Variants in MMP15 observed in about 807,000 individuals in gnomAD.
The protein encoded by MMP15 is matrix metalloproteinase-15.
MMP15 carries 36 observed loss-of-function variants against 65.0 expected under a neutral mutation model. That is an observed-to-expected ratio of 0.55 (90% CI 0.42 to 0.73). The LOEUF is 0.73. MMP15 is among the 30% of genes least tolerant of loss of function. The pLI is 0.00. For synonymous variants in MMP15, 428 were observed against 410.2 expected, an observed-to-expected ratio of 1.04 and a Z score of -0.52; for missense variants, 870 against 987.8, an observed-to-expected ratio of 0.88 and a Z score of 1.60.
At chr16:58,039,781 T>C in intron 3 of MMP15, 94 bp from the exon 4 acceptor site, 1 of 1,280,860 alleles carries the variant, frequency 7.8e-7, no homozygotes, top group Non-Finnish European at 1.1e-6. Context: ...GACGGGCTTG[T>C]TGGTGACCTT....
rs1286023406 is a variant in MMP15 at position 58,046,744 on chromosome 16, G to A, written c.*1298G>A. 1.3e-5 allele frequency: 2 copies of A among 152,700 alleles called. No individual in the cohort carries two copies. The highest frequency in any genetic ancestry group is 2.9e-5 in the Non-Finnish European group (2 of 68,086). 9.5% of individuals were successfully genotyped at this position (152,700 alleles called of 1,614,324 possible). ...AGGATTCTGCTGGCCTCTGCGAGTGGTTTCTTGTGCACTGGCACCAAGTGC... is the reference window on the plus strand; with the variant it reads ...AGGATTCTGCTGGCCTCTGCGAGTGATTTCTTGTGCACTGGCACCAAGTGC... On this transcript the variant is annotated 3_prime_UTR_variant, in exon 10 of 10. Transcript: ENST00000219271.
rs534997955 is a variant in MMP15 at position 58,035,481 on chromosome 16, A to G, written c.163-1991A>G. ...GGCTGCCTGCCCCAGGGACAACCAC[A>G]CAGGCCTCTGGTCTCTGTCATTTGC... is the stretch of plus-strand genomic sequence containing the variant. On this transcript the variant is annotated intron_variant, in intron 1 of 9. Coordinates refer to ENST00000219271, the MANE Select transcript of MMP15 (RefSeq NM_002428.4). 1.4e-4 allele frequency among the ~76,000 whole-genome samples: 22 copies of G among 152,332 alleles called. No homozygotes were observed. In the South Asian group the frequency reaches 4.6e-3, roughly 32 times the overall value.
At chr16:58,039,479 A>G (rs989059852) in intron 3 of MMP15, among the ~76,000 whole-genome samples, 2 of 152,204 alleles carry the variant, frequency 1.3e-5, no homozygotes, top group African/African-American at 4.8e-5. Context: ...CACTTACCCA[A>G]GGTCACACAG....
intron 3 of MMP15, 56 bp downstream of exon 3, chr16:58,038,450 A>C: frequency 6.2e-7 from 1 of 1,604,830 alleles, no homozygotes; most frequent in Non-Finnish European, 8.5e-7. Context: ...CGAGCCTCAG[A>C]CCTCCTTTCC....
Position 58,040,609 on chromosome 16 carries a change from A to T in MMP15, c.821A>T (p.Asn274Ile), listed in dbSNP as rs147717123. Reference protein sequence around the residue: ...ALGLEHSSNPNAIMAPFYQWK... With the variant: ...ALGLEHSSNPIAIMAPFYQWK... ...GGGCTGGAGCACTCCAGCAACCCCA[A>T]TGCCATCATGGCGCCGTTCTACCAG... Residue 274 changes from asparagine (N) to isoleucine (I), a missense_variant, in exon 5 of 10, where the codon AAT becomes ATT. Coordinates refer to ENST00000219271, the MANE Select transcript of MMP15 (RefSeq NM_002428.4). The T allele has an allele frequency of 4.3e-6, 7 of 1,614,198 alleles. No homozygotes were observed. The highest frequency in any genetic ancestry group is 5.9e-6 in the Non-Finnish European group (7 of 1,180,044).
chr16:58,043,364 A>G lies in MMP15; in HGVS notation c.1454+4A>G, dbSNP rs1959491933. ...CCTTCTTCTTCCAAGAGGACAGGTG[A>G]GCAGTGCGTCCCTCCCCTAAGGGGA... On this transcript the variant is annotated splice_donor_region_variant and intron_variant, in intron 8 of 9. Transcript: ENST00000219271. 6.2e-7 allele frequency: 1 copy of G among 1,604,068 alleles called. No homozygotes were observed. The highest frequency in any genetic ancestry group is 8.5e-7 in the Non-Finnish European group (1 of 1,174,930).
chr16:58,044,152 T>G (rs1189862570), intron 9 of MMP15, among the ~76,000 whole-genome samples: 2 of 152,104 alleles, frequency 1.3e-5, no homozygotes, highest in African/African-American at 4.8e-5. Flanking sequence ...TCTAGTGCAT[T>G]TAAGAAAAAC....
At position 58,045,456 on chromosome 16, in the gene MMP15, G is replaced by A. The variant is rs376623496; in HGVS notation, c.*10G>A. On this transcript the variant is annotated 3_prime_UTR_variant, in exon 10 of 10. Transcript: ENST00000219271. ...GCAGGAGTGGGTCTGACCACCCAGC[G>A]CTCCTGCTAACGGTGCTCAGGGGGC... The A allele has an allele frequency of 3.2e-4, 486 of 1,506,498 alleles. No homozygotes were observed. Among genetic ancestry groups the A allele is most frequent in the Non-Finnish European group, 4.0e-4 (450 of 1,126,488 alleles). The allele number at this position is 1,506,498 out of a possible 1,614,324, so 93.3% of individuals were successfully genotyped here.
chr16:58,030,028 G>C (rs955247777), intron 1 of MMP15, among the ~76,000 whole-genome samples: 3 of 151,976 alleles, frequency 2.0e-5, no homozygotes, highest in Non-Finnish European at 2.9e-5. Context: ...GGCTAGCTGT[G>C]GTGGTCACTA....
chr16:58,039,742 T>C, intron 3 of MMP15, 133 bp from the exon 4 acceptor site: 2 of 818,962 alleles, frequency 2.4e-6, no homozygotes, highest in East Asian at 5.4e-5. Context: ...AATTATGATT[T>C]ACATCAAAGC....
intron 1 of MMP15, among the ~76,000 whole-genome samples, chr16:58,035,236 G>A (rs368041374): frequency 1.3e-5 from 2 of 152,224 alleles, no homozygotes; most frequent in African/African-American, 4.8e-5. Flanking sequence ...GAGGTTTCCC[G>A]TGCTTGGGAA....
intron 1 of MMP15, among the ~76,000 whole-genome samples, chr16:58,027,045 G>A (rs987743845): frequency 3.9e-5 from 6 of 152,258 alleles, no homozygotes; most frequent in African/African-American, 1.4e-4. Context: ...TGGAGGCGGG[G>A]GGATGGGTGC....
In MMP15 at chr16:58,042,177, C is replaced by T. The variant is rs1233862349; in HGVS notation, c.1165-54C>T. The T allele has an allele frequency of 5.1e-6, 8 of 1,574,978 alleles. No individual in the cohort carries two copies. The East Asian group carries it at 6.8e-5, about 13-fold the overall frequency. ...AAGGGGTGGTTTGAGGATGGCACCT[C>T]TCCCGGCCAAGGCAGCTTGCCTGCG... On this transcript the variant is annotated intron_variant, in intron 6 of 9. Coordinates refer to ENST00000219271, the MANE Select transcript of MMP15 (RefSeq NM_002428.4).
Position 58,045,740 on chromosome 16 carries a change from G to A in MMP15, c.*294G>A. 1 of 407,496 alleles carries A rather than the reference G, an allele frequency of 2.5e-6. No homozygotes were observed. Among genetic ancestry groups the A allele is most frequent in the Non-Finnish European group, 4.4e-6 (1 of 228,896 alleles). The allele number at this position is 407,496 out of a possible 1,614,324, so 25.2% of individuals were successfully genotyped here. On this transcript the variant is annotated 3_prime_UTR_variant, in exon 10 of 10. Transcript: ENST00000219271. Reference sequence around the variant, plus strand: ...CTCTGGCTTGGCCACAGCCAGGGGAGCAGAGGGGCAGAGGCCCACATTGGA... The same window carrying A: ...CTCTGGCTTGGCCACAGCCAGGGGAACAGAGGGGCAGAGGCCCACATTGGA...
At chr16:58,034,907 C>A (rs940278512) in intron 1 of MMP15, among the ~76,000 whole-genome samples, 20 of 151,592 alleles carry the variant, frequency 1.3e-4, no homozygotes, top group African/African-American at 4.3e-4. Context: ...TGCTTTCCTC[C>A]CCAGGGCCCC....
rs143362721 is a variant in MMP15 at position 58,040,733 on chromosome 16, G to A, written c.910+35G>A. 9.2e-5 allele frequency: 149 copies of A among 1,613,138 alleles called. No individual in the cohort carries two copies. The African/African-American group carries it at 1.4e-3, about 15-fold the overall frequency. On this transcript the variant is annotated intron_variant, in intron 5 of 9. Transcript: ENST00000219271. The stretch of plus-strand genomic sequence containing the variant: ...CTGTGACCAGCGGGCTCTGCATGCC[G>A]CTCTCAAGTCCCTGGCCAATGAGGA...
chr16:58,043,147 T>C, intron 7 of MMP15, 63 bp from the exon 8 acceptor site: 1 of 1,443,096 alleles, frequency 6.9e-7, no homozygotes, highest in Non-Finnish European at 9.2e-7. Context: ...AAGAGCATTC[T>C]TTTCCCGCAC....
chr16:58,027,266 C>T (rs531740335), intron 1 of MMP15, among the ~76,000 whole-genome samples: 3 of 152,362 alleles, frequency 2.0e-5, no homozygotes, highest in East Asian at 3.9e-4. Context: ...TGGCGTCCCT[C>T]CCGGGGCCCC....
At position 58,026,372 on chromosome 16, in the gene MMP15, C is replaced by T. The variant is rs1963814523; in HGVS notation, c.22C>T (p.Pro8Ser). The change falls in exon 1 of 10, where the codon CCC (proline) becomes TCC (serine). Residue 8 changes from proline (P) to serine (S), a missense_variant. Pro to Ser is a moderately conservative substitution (Grantham distance 74, BLOSUM62 -1). Coordinates refer to ENST00000219271, the MANE Select transcript of MMP15 (RefSeq NM_002428.4). Reference sequence around the variant, plus strand: ...GAGCATGGGCAGCGACCCGAGCGCGCCCGGACGGCCGGGCTGGACGGGCAG... The same window carrying T: ...GAGCATGGGCAGCGACCCGAGCGCGTCCGGACGGCCGGGCTGGACGGGCAG... MGSDPSA[P>S]GRPGWTGSLL... 1.5e-6 allele frequency: 2 copies of T among 1,371,836 alleles called. No homozygotes were observed. Among genetic ancestry groups the T allele is most frequent in the Admixed American group, 3.9e-5 (1 of 25,812 alleles). 85.0% of individuals were successfully genotyped at this position (1,371,836 alleles called of 1,614,324 possible).
Sources: gnomAD v4.1 joint callset for allele counts (sites outside exome capture counted in the v4.1 genomes callset) on GRCh38, gnomAD v4.1.1 for gene constraint, MANE v1.5 for transcripts, NCBI Gene and HGNC (gene_info 2026-07-23, HGNC 2026-07-21) for gene names.